MTMR12: variants seen among roughly 807,000 people sequenced by gnomAD.
MTMR12 encodes myotubularin-related protein 12.
MTMR12 carries 33 observed loss-of-function variants against 96.7 expected under a neutral mutation model. That is an observed-to-expected ratio of 0.34 (90% CI 0.26 to 0.46). The LOEUF is 0.46. Ranked by LOEUF, MTMR12 falls within the 20% of genes least tolerant of loss-of-function variation. The probability of loss-of-function intolerance (pLI) is 1.00; values close to 1 mark genes in which losing one functional copy is unlikely to be tolerated. For synonymous variants in MTMR12, 298 were observed against 327.2 expected, an observed-to-expected ratio of 0.91 and a Z score of 0.96; for missense variants, 721 against 896.1, an observed-to-expected ratio of 0.80 and a Z score of 2.49.
At chr5:32,265,454 G>A (rs1749552087) in intron 6 of MTMR12, among the ~76,000 whole-genome samples, 1 of 152,150 alleles carries the variant, frequency 6.6e-6, no homozygotes, top group Non-Finnish European at 1.5e-5. Context: ...CAAAAATCAG[G>A]ATACAAGGAA....
At chr5:32,293,862 A>G (rs182884029) in intron 1 of MTMR12, among the ~76,000 whole-genome samples, 288 of 152,298 alleles carry the variant, frequency 1.9e-3, no homozygotes, top group Non-Finnish European at 2.1e-3. Context: ...GACATTTCAA[A>G]ATCAGCTCAT....
At chr5:32,244,602 GA>G (rs1280115779) in intron 10 of MTMR12, among the ~76,000 whole-genome samples, 1 of 150,678 alleles carries the variant, frequency 6.6e-6, no homozygotes, top group Non-Finnish European at 1.5e-5. Context: ...AAGAAAAAAA[GA>G]AAAAAAAAGT....
rs761242717 is a variant in MTMR12 at position 32,243,546 on chromosome 5, T to C, written c.1075A>G (p.Ser359Gly). ...CTGATTATGTCAAGCCAGCTGCTAC[T>C]TTCCAACAGAGAAAACCATTTTATA... The part of the protein sequence containing the change: ...TDIKWFSLLE[S>G]SSWLDIIRRC... The change falls in exon 11 of 16, where the codon AGT becomes GGT. Residue 359 changes from serine to glycine, a missense_variant. Transcript: ENST00000382142. 20 of 1,612,316 alleles carry C rather than the reference T, an allele frequency of 1.2e-5. No homozygotes were observed. The highest frequency in any genetic ancestry group is 1.6e-4 in the Middle Eastern group (1 of 6,084).
intron 1 of MTMR12, among the ~76,000 whole-genome samples, chr5:32,280,811 G>A (rs1387950012): frequency 6.6e-6 from 1 of 152,162 alleles, no homozygotes; most frequent in Non-Finnish European, 1.5e-5. Flanking sequence ...ATACTACCTA[G>A]TATGAGAGCT....
chr5:32,291,256 T>C (rs563619078), intron 1 of MTMR12, among the ~76,000 whole-genome samples: 1 of 152,276 alleles, frequency 6.6e-6, no homozygotes, highest in Non-Finnish European at 1.5e-5. Context: ...GCACTACAGA[T>C]CCTTTCTAGG....
intron 1 of MTMR12, among the ~76,000 whole-genome samples, chr5:32,307,525 A>G (rs1751407668): frequency 6.6e-6 from 1 of 152,184 alleles, no homozygotes; most frequent in Non-Finnish European, 1.5e-5. Flanking sequence ...TAGCTTTACC[A>G]ACATGTAATC....
intron 1 of MTMR12, among the ~76,000 whole-genome samples, chr5:32,305,733 G>A (rs1751329932): frequency 6.6e-6 from 1 of 152,086 alleles, no homozygotes; most frequent in Non-Finnish European, 1.5e-5. Context: ...GAGAAATCCT[G>A]TCTCTACTAA....
rs1475880417 is a variant in MTMR12 at position 32,243,607 on chromosome 5, A to C, written c.1022-8T>G. ...AAAATTCAGTACTGTTATCTGAAAAAAGAAAAAGGAGTAAAGACGTCAGGT... is the reference window on the plus strand; with the variant it reads ...AAAATTCAGTACTGTTATCTGAAAACAGAAAAAGGAGTAAAGACGTCAGGT... On this transcript the variant is annotated splice_region_variant and splice_polypyrimidine_tract_variant and intron_variant, in intron 10 of 15. Coordinates refer to ENST00000382142, the MANE Select transcript of MTMR12 (RefSeq NM_001040446.3). The C allele has an allele frequency of 3.2e-6, 5 of 1,571,118 alleles. No homozygotes were observed. The highest frequency in any genetic ancestry group is 3.5e-6 in the Non-Finnish European group (4 of 1,142,534).
chr5:32,300,990 G>A (rs146589784), intron 1 of MTMR12, among the ~76,000 whole-genome samples: 3,702 of 152,232 alleles, frequency 0.024, 154 homozygotes, highest in African/African-American at 0.084. Flanking sequence ...CAGGAGAATC[G>A]CTTGAGCCTG....
At chr5:32,262,771 C>T (rs1358035295) in intron 7 of MTMR12, among the ~76,000 whole-genome samples, 1 of 152,120 alleles carries the variant, frequency 6.6e-6, no homozygotes, top group African/African-American at 2.4e-5. Context: ...GATTCTGATA[C>T]AAGCTGCAAA....
chr5:32,275,255 T>G (rs1338685026), intron 2 of MTMR12, among the ~76,000 whole-genome samples: 2 of 152,074 alleles, frequency 1.3e-5, no homozygotes, highest in African/African-American at 4.8e-5. Flanking sequence ...GCTCAGTCAC[T>G]AGGTCAGCCT....
At chr5:32,246,707 T>A (rs916812491) in intron 10 of MTMR12, among the ~76,000 whole-genome samples, 2 of 152,190 alleles carry the variant, frequency 1.3e-5, no homozygotes, top group African/African-American at 4.8e-5. Context: ...TGGGGCACTG[T>A]CCCCGTAAAC....
At chr5:32,270,037 T>C (rs55978069) in intron 5 of MTMR12, among the ~76,000 whole-genome samples, 4,868 of 152,244 alleles carry the variant, frequency 0.032, 268 homozygotes, top group African/African-American at 0.11. Flanking sequence ...TACCACTAAG[T>C]GTGCAAACTC....
intron 6 of MTMR12, among the ~76,000 whole-genome samples, chr5:32,267,236 C>T (rs1749634946): frequency 6.6e-6 from 1 of 151,836 alleles, no homozygotes; most frequent in African/African-American, 2.4e-5. Flanking sequence ...ATTAGCCGGG[C>T]GTGGTGGTGT....
intron 8 of MTMR12, among the ~76,000 whole-genome samples, chr5:32,249,147 GACA>G (rs979853683): frequency 2.0e-5 from 3 of 152,192 alleles, no homozygotes; most frequent in Non-Finnish European, 2.9e-5. Context: ...CCCAGATGAT[GACA>G]ACAACAACAT....
chr5:32,231,327 C>A (rs945602569), intron 15 of MTMR12, among the ~76,000 whole-genome samples: 10 of 147,286 alleles, frequency 6.8e-5, no homozygotes, highest in Non-Finnish European at 1.5e-5. Context: ...TGCAGTGAGC[C>A]GAGATCACGC....
At chr5:32,289,811 C>G (rs186857765) in intron 1 of MTMR12, among the ~76,000 whole-genome samples, 273 of 152,270 alleles carry the variant, frequency 1.8e-3, no homozygotes, top group African/African-American at 6.3e-3. Flanking sequence ...GTGGAAAAGG[C>G]TAAACAGAAG....
chr5:32,247,106 T>C (rs1162416295), intron 10 of MTMR12, among the ~76,000 whole-genome samples: 1 of 152,144 alleles, frequency 6.6e-6, no homozygotes, highest in Admixed American at 6.5e-5. Flanking sequence ...TCCCAGCACT[T>C]TGCAAGGCCA....
chr5:32,264,135 C>A (rs1024522483), intron 6 of MTMR12, among the ~76,000 whole-genome samples: 1 of 152,194 alleles, frequency 6.6e-6, no homozygotes, highest in Non-Finnish European at 1.5e-5. Flanking sequence ...CCCGGCCCTG[C>A]CACTACCTGC....
Sources: allele counts gnomAD v4.1 joint callset (sites outside exome capture counted in the v4.1 genomes callset), GRCh38; gene constraint gnomAD v4.1.1; transcripts MANE v1.5; gene names NCBI Gene and HGNC (gene_info 2026-07-23, HGNC 2026-07-21).